The following MBD3 variants were observed in gnomAD, a reference collection of about 807,000 sequenced individuals.
MBD3 encodes methyl-CpG-binding domain protein 3.
Under a neutral mutation model 31.2 loss-of-function variants are expected in MBD3, and 13 were observed. The observed-to-expected ratio is 0.42, with a 90% CI of 0.27 to 0.66. The LOEUF is 0.66. Among genes scored for constraint, MBD3 ranks in the 30% least tolerant of loss-of-function variants. MBD3 has a pLI of 0.26. For missense variants in MBD3, 440 were observed against 426.5 expected (o/e 1.03, Z -0.28); for synonymous variants, 223 against 187.4 (o/e 1.19, Z -1.55).
Position 1,585,101 on chromosome 19 carries a change from TTCATCTTGC to T in MBD3, c.215_223del (p.Ser72_Met74del), listed in dbSNP as rs759961670. ...GTAGCGCACGCGCTGGCGGCTCTTG[TTCATCTTGC>T]TCATCAGCATCTTGCCCGTGCGGAA... On this transcript the variant is annotated inframe_deletion, in exon 2 of 7. Coordinates refer to ENST00000434436, the MANE Select transcript of MBD3 (RefSeq NM_001281453.2). The surrounding 1 kb of genome is among the most constrained non-coding windows in gnomAD (Gnocchi z 4.1). 3.4e-5 allele frequency: 55 copies of T among 1,612,598 alleles called. No homozygotes were observed. The highest frequency in any genetic ancestry group is 4.2e-6 in the Non-Finnish European group (5 of 1,179,504).
intron 2 of MBD3, 155 bp downstream of exon 2, chr19:1,584,900 C>A: frequency 8.3e-7 from 1 of 1,204,710 alleles, no homozygotes. Flanking sequence ...TTGCGCTCTG[C>A]ACCCTGTGGC....
rs367828893 is a variant in MBD3 at position 1,582,670 on chromosome 19, T to C, written c.451A>G (p.Ile151Val). 10 of 1,614,056 alleles carry C rather than the reference T, an allele frequency of 6.2e-6. No homozygotes were observed. The African/African-American group carries it at 1.3e-4, about 22-fold the overall frequency. ...ATGGTCTTGACCAGCTCCTCAGCAA[T>C]GTCGAAGGCGTTCAGGCCGCTCAGC... ...KKLSGLNAFDIAEELVKTMDL... is the reference protein window; with the variant it reads ...KKLSGLNAFDVAEELVKTMDL... The change falls in exon 4 of 7, where the codon ATT becomes GTT. Residue 151 changes from isoleucine to valine, a missense_variant. Coordinates refer to ENST00000434436, the MANE Select transcript of MBD3 (RefSeq NM_001281453.2).
intron 3 of MBD3, among the ~76,000 whole-genome samples, chr19:1,583,747 T>C (rs2060664266): frequency 1.3e-5 from 2 of 152,218 alleles, no homozygotes; most frequent in South Asian, 2.1e-4. Flanking sequence ...GTCACAAGCA[T>C]CCACACCTCA....
intron 3 of MBD3, among the ~76,000 whole-genome samples, chr19:1,583,917 G>T (rs1463648681): frequency 2.0e-5 from 3 of 152,076 alleles, no homozygotes; most frequent in Admixed American, 6.6e-5. Context: ...CACCTCCCGG[G>T]TTCAAGTGAT....
intron 1 of MBD3, among the ~76,000 whole-genome samples, chr19:1,587,473 G>C (rs1372908577): frequency 6.6e-6 from 1 of 151,672 alleles, no homozygotes; most frequent in Non-Finnish European, 1.5e-5. Context: ...GGAGTGCAGT[G>C]GTGTGATCAC....
At position 1,578,483 on chromosome 19, in the gene MBD3, C is replaced by A; in HGVS notation, c.733G>T (p.Ala245Ser). 7 of 1,611,160 alleles carry A rather than the reference C, an allele frequency of 4.3e-6. No individual in the cohort carries two copies. Among genetic ancestry groups the A allele is most frequent in the Non-Finnish European group, 5.9e-6 (7 of 1,179,908 alleles). ...TCCTCCACGTGCGCCAGCATGTCGG[C>A]CATCAGCGCCTCCTCCAGCCGCTTC... Reference protein sequence around the residue: ...VRKRLEEALMADMLAHVEELA... With the variant: ...VRKRLEEALMSDMLAHVEELA... The change falls in exon 6 of 7, where the codon GCC (alanine) becomes TCC (serine). Residue 245 changes from alanine to serine, a missense_variant. Ala to Ser is a moderately conservative substitution (Grantham distance 99). This residue lies in a region of MBD3 where 117 missense variants were observed against 95.0 expected (regional missense o/e 1.23). Coordinates refer to ENST00000434436, the MANE Select transcript of MBD3 (RefSeq NM_001281453.2). This position sits in a 1 kb window ranked among gnomAD's most constrained non-coding sequence, Gnocchi z 6.1.
intron 1 of MBD3, chr19:1,591,901 G>A (rs1179457529): frequency 6.6e-6 from 1 of 152,128 alleles, no homozygotes. Context: ...GGTGGGCTCG[G>A]AAAGTCGAAA....
Position 1,577,319 on chromosome 19 carries a change from C to T in MBD3, c.*845G>A, listed in dbSNP as rs764034220. On this transcript the variant is annotated 3_prime_UTR_variant, in exon 7 of 7. Coordinates refer to ENST00000434436, the MANE Select transcript of MBD3 (RefSeq NM_001281453.2). ...AAGCTCCCTGGAGAGCTGGGCACCT[C>T]GAGGAGCGTCTGGGAGCCTCACCCT... 6 of 152,236 alleles carry T rather than the reference C, an allele frequency of 3.9e-5. No homozygotes were observed. The highest frequency in any genetic ancestry group is 5.9e-5 in the Non-Finnish European group (4 of 68,070). The allele number at this position is 152,236 out of a possible 1,614,324, so 9.4% of individuals were successfully genotyped here.
rs1285458916 is a variant in MBD3 at position 1,592,759 on chromosome 19, G to A, written c.-128C>T. 1 of 178,376 alleles carries A rather than the reference G, an allele frequency of 5.6e-6. No individual in the cohort carries two copies. The highest frequency in any genetic ancestry group is 1.1e-5 in the Non-Finnish European group (1 of 94,700). 11.0% of individuals were successfully genotyped at this position (178,376 alleles called of 1,614,324 possible). On this transcript the variant is annotated 5_prime_UTR_variant, in exon 1 of 7. Transcript: ENST00000434436. The stretch of plus-strand genomic sequence containing the variant: ...ACTTGCCGCGGCTGTTCCGGCCCGC[G>A]GGCCCCCGCCCTCCGCCCCCAGCCG...
chr19:1,579,813 G>T (rs557483975), intron 5 of MBD3, among the ~76,000 whole-genome samples: 6 of 152,208 alleles, frequency 3.9e-5, no homozygotes, highest in South Asian at 2.1e-4. Flanking sequence ...CTGTCACCCA[G>T]GTTGAATTGC....
chr19:1,586,217 A>G (rs1599346238), intron 1 of MBD3: 1 of 152,386 alleles, frequency 6.6e-6, no homozygotes, highest in East Asian at 1.9e-4. Context: ...CCCAGGAGCC[A>G]GAAGGTGGAA....
chr19:1,589,675 C>T (rs2060695110), intron 1 of MBD3, among the ~76,000 whole-genome samples: 1 of 151,676 alleles, frequency 6.6e-6, no homozygotes, highest in African/African-American at 2.4e-5. Flanking sequence ...TAATAATGAA[C>T]ATAAAAAATT....
In MBD3 at chr19:1,575,456, C is replaced by T. The variant is rs1251427266; in HGVS notation, c.*2708G>A. The T allele has an allele frequency of 6.6e-6, 2 of 303,372 alleles. No individual in the cohort carries two copies. The highest frequency in any genetic ancestry group is 2.6e-5 in the South Asian group (1 of 38,506). 18.8% of individuals were successfully genotyped at this position (303,372 alleles called of 1,614,324 possible). A position where few individuals can be genotyped will look rare whatever the true frequency, so the allele number is the denominator to read the frequency against. On this transcript the variant is annotated 3_prime_UTR_variant, in exon 7 of 7. Coordinates refer to ENST00000434436, the MANE Select transcript of MBD3 (RefSeq NM_001281453.2). ...GAAGGTCTTGGGGCTGAGACATGGG[C>T]GGGGCTGGGGGCAGCCAAGTGGCCT...
chr19:1,588,673 C>T (rs753102345), intron 1 of MBD3, among the ~76,000 whole-genome samples: 8 of 148,106 alleles, frequency 5.4e-5, no homozygotes, highest in African/African-American at 7.5e-5. Flanking sequence ...CCCAGCTACT[C>T]GGGAGGCTGA....
chr19:1,584,977 G>A, intron 2 of MBD3, 78 bp downstream of exon 2: 1 of 1,574,728 alleles, frequency 6.4e-7, no homozygotes, highest in Non-Finnish European at 8.6e-7. Context: ...GGGCTGTGTC[G>A]CCTGCAGCTC....
chr19:1,581,545 C>G (rs563069376), intron 4 of MBD3: 1 of 522,594 alleles, frequency 1.9e-6, no homozygotes, highest in Admixed American at 3.2e-5. Context: ...GAGTTTGAGA[C>G]CAGCCTGGAC....
intron 1 of MBD3, among the ~76,000 whole-genome samples, chr19:1,591,119 CTCAA>C (rs1358090198): frequency 6.6e-6 from 1 of 152,202 alleles, no homozygotes; most frequent in African/African-American, 2.4e-5. Context: ...CTCCCTGTCA[CTCAA>C]TGTCACGTCC....
intron 1 of MBD3, among the ~76,000 whole-genome samples, chr19:1,586,783 G>A (rs759455507): frequency 7.4e-4 from 111 of 150,224 alleles, no homozygotes; most frequent in Middle Eastern, 3.6e-3. Context: ...TCTCCTGCCT[G>A]AGCCTCCTGA....
rs775984092 is a variant in MBD3, at chr19:1,592,625, G to A, written c.7C>T (p.Arg3Trp). ...AGCGCCGGGCACTCCCACCTCTTCC[G>A]CTCCATTGCGCCCGGCTCCTCGGCC... is the stretch of plus-strand genomic sequence containing the variant. MERKRWECPALPQ... is the reference protein window; with the variant it reads MEWKRWECPALPQ... The change falls in exon 1 of 7, where the codon CGG (arginine) becomes TGG (tryptophan). Residue 3 changes from arginine to tryptophan, a missense_variant. Physicochemically the swap from Arg to Trp is moderately radical, Grantham distance 101 (BLOSUM62 -3). Around this residue, in one of 3 missense-constraint regions of MBD3, gnomAD observed 179 missense variants for 134.7 expected, o/e 1.33. Coordinates refer to ENST00000434436, the MANE Select transcript of MBD3 (RefSeq NM_001281453.2). The A allele has an allele frequency of 2.0e-5, 26 of 1,323,690 alleles. No homozygotes were observed. Among genetic ancestry groups the A allele is most frequent in the Non-Finnish European group, 2.5e-5 (25 of 1,007,720 alleles). The allele number at this position is 1,323,690 out of a possible 1,614,324, so 82.0% of individuals were successfully genotyped here.
Sources: gnomAD v4.1 joint callset for allele counts (sites outside exome capture counted in the v4.1 genomes callset) on GRCh38, gnomAD v4.1.1 for gene constraint, gnomAD v4.1.1 regional missense constraint, Gnocchi (gnomAD v3.1) non-coding constraint, MANE v1.5 for transcripts, NCBI Gene and HGNC (gene_info 2026-07-23, HGNC 2026-07-21) for gene names.